CFAP97: variants seen among roughly 807,000 people sequenced by gnomAD.
CFAP97 encodes the protein cilia- and flagella-associated protein 97.
In CFAP97, 36 loss-of-function variants were observed where a neutral mutation model predicts 43.1. The observed-to-expected ratio is 0.84, with a 90% CI of 0.64 to 1.10. The LOEUF (loss-of-function observed/expected upper bound fraction) is 1.10, where lower values mean the gene tolerates loss of function less well. Among genes scored for constraint, CFAP97 ranks in the 50% least tolerant of loss-of-function variants. The pLI, the probability that CFAP97 is intolerant of heterozygous loss-of-function variation, is 0.00. For missense variants in CFAP97, 657 were observed against 620.3 expected, an observed-to-expected ratio of 1.06 and a Z score of -0.63; for synonymous variants, 228 against 225.7, an observed-to-expected ratio of 1.01 and a Z score of -0.09.
upstream of CFAP97, chr4:185,209,574 C>T (rs942421305): frequency 1.4e-5 from 4 of 278,044 alleles, no homozygotes; most frequent in Admixed American, 6.5e-5. This position sits in a 1 kb window ranked among gnomAD's most constrained non-coding sequence, Gnocchi z 5.2. Context: ...CCCCGCCCCG[C>T]CCGCGTCAGG....
intron 2 of CFAP97, among the ~76,000 whole-genome samples, chr4:185,189,000 C>T (rs1736118756): frequency 6.6e-6 from 1 of 152,112 alleles, no homozygotes; most frequent in South Asian, 2.1e-4. Flanking sequence ...CCCTTCGGGA[C>T]GCTGAGGTAG....
chr4:185,177,027 T>C (rs1448388009), intron 2 of CFAP97, among the ~76,000 whole-genome samples: 1 of 152,200 alleles, frequency 6.6e-6, no homozygotes, highest in Non-Finnish European at 1.5e-5. Flanking sequence ...CATATTATAA[T>C]TATCAATAAG....
chr4:185,205,996 C>A (rs1293599627), upstream of CFAP97, among the ~76,000 whole-genome samples: 1 of 151,938 alleles, frequency 6.6e-6, no homozygotes, highest in Non-Finnish European at 1.5e-5. Flanking sequence ...TGGCTTTAGT[C>A]AAAAAAATAG....
intron 2 of CFAP97, among the ~76,000 whole-genome samples, chr4:185,188,526 C>T (rs763231987): frequency 5.3e-5 from 8 of 152,004 alleles, no homozygotes; most frequent in Non-Finnish European, 7.4e-5. Flanking sequence ...GTATTATTTG[C>T]GGAGACGGGG....
chr4:185,177,409 T>C (rs1051601935), intron 2 of CFAP97, among the ~76,000 whole-genome samples: 7 of 113,890 alleles, frequency 6.1e-5, no homozygotes, highest in African/African-American at 2.4e-4. Flanking sequence ...TAAGACTCTG[T>C]CTCCAAAAAA....
At chr4:185,208,275 G>T (rs1174556206), upstream of CFAP97, among the ~76,000 whole-genome samples, 1 of 151,816 alleles carries the variant, frequency 6.6e-6, no homozygotes. Flanking sequence ...CTCAGCCTCC[G>T]AAAGTGTAGG....
At position 185,162,699 on chromosome 4, in the gene CFAP97, C is replaced by A; in HGVS notation, c.*99G>T. The A allele has an allele frequency of 7.6e-7, 1 of 1,318,254 alleles. No homozygotes were observed. Among genetic ancestry groups the A allele is most frequent in the Non-Finnish European group, 1.1e-6 (1 of 944,262 alleles). The allele number at this position is 1,318,254 out of a possible 1,614,324, so 81.7% of individuals were successfully genotyped here. On this transcript the variant is annotated 3_prime_UTR_variant, in exon 5 of 5. Coordinates refer to ENST00000458385, the MANE Select transcript of CFAP97 (RefSeq NM_020827.3). ...ACTCACTGTTGTACACCTTCAATTG[C>A]TAAAACGGTATTCTAGATGTTTACA...
intron 1 of CFAP97, among the ~76,000 whole-genome samples, chr4:185,199,243 G>C (rs1049549390): frequency 1.3e-5 from 2 of 152,158 alleles, no homozygotes; most frequent in Non-Finnish European, 2.9e-5. Context: ...GTAGTGGCAT[G>C]TACCTGTTAA....
chr4:185,175,088 C>T (rs530969814), intron 3 of CFAP97, among the ~76,000 whole-genome samples: 1 of 152,168 alleles, frequency 6.6e-6, no homozygotes, highest in South Asian at 2.1e-4. Flanking sequence ...TTTAGCTTTC[C>T]AGGACACAAT....
In CFAP97 at chr4:185,176,003, T is replaced by C. The variant is rs1185777806; in HGVS notation, c.1103A>G (p.Gln368Arg). 6.2e-6 allele frequency: 10 copies of C among 1,611,044 alleles called. No homozygotes were observed. Among genetic ancestry groups the C allele is most frequent in the African/African-American group, 1.3e-5 (1 of 74,624 alleles). Residue 368 changes from glutamine (Q) to arginine (R), a missense_variant, in exon 3 of 5, where the codon CAG becomes CGG. Physicochemically the swap from Gln to Arg is conservative, Grantham distance 43. Coordinates refer to ENST00000458385, the MANE Select transcript of CFAP97 (RefSeq NM_020827.3). The part of the protein sequence containing the change: ...KKGPQKHHFD[Q>R]PSVAPGKNYS... ...GTTTTTCCCGGGTGCTACTGAAGGC[T>C]GATCAAAGTGATGTTTTTGTGGTCC...
At position 185,162,753 on chromosome 4, in the gene CFAP97, C is replaced by T; in HGVS notation, c.*45G>A. ...AGAATTATAGGAATATGCACGAGCA[C>T]TTCAAGAAAAGTTGTGTGAACAATG... On this transcript the variant is annotated 3_prime_UTR_variant, in exon 5 of 5. Coordinates refer to ENST00000458385, the MANE Select transcript of CFAP97 (RefSeq NM_020827.3). The T allele has an allele frequency of 6.3e-7, 1 of 1,593,312 alleles. No individual in the cohort carries two copies. The highest frequency in any genetic ancestry group is 1.1e-5 in the South Asian group (1 of 88,384).
At chr4:185,187,504 A>G (rs182292020) in intron 2 of CFAP97, among the ~76,000 whole-genome samples, 1 of 151,822 alleles carries the variant, frequency 6.6e-6, no homozygotes, top group Non-Finnish European at 1.5e-5. Flanking sequence ...CCAAAGATAG[A>G]TGTCTAGAAA....
At chr4:185,181,896 T>C (rs1302028200) in intron 2 of CFAP97, among the ~76,000 whole-genome samples, 1 of 152,186 alleles carries the variant, frequency 6.6e-6, no homozygotes, top group Non-Finnish European at 1.5e-5. Flanking sequence ...TTATGGAGCA[T>C]AACAGGGTCT....
chr4:185,180,007 T>C (rs970090173), intron 2 of CFAP97, among the ~76,000 whole-genome samples: 5 of 152,194 alleles, frequency 3.3e-5, no homozygotes, highest in Admixed American at 2.0e-4. Context: ...TCTCTATCTC[T>C]TTTAGTGATG....
At chr4:185,204,695 T>A (rs1193986661), upstream of CFAP97, among the ~76,000 whole-genome samples, 1 of 152,146 alleles carries the variant, frequency 6.6e-6, no homozygotes, top group African/African-American at 2.4e-5. Flanking sequence ...GTGAACCCCA[T>A]GGAATCACAA....
rs374899113 is a variant in CFAP97 at position 185,164,131 on chromosome 4, G to A, written c.1369C>T (p.Arg457Cys). The A allele has an allele frequency of 2.4e-5, 38 of 1,613,708 alleles. No homozygotes were observed. The South Asian group carries it at 3.1e-4, about 13-fold the overall frequency. ...EAVKPTVGMKRSEQLMDYHRN... is the reference protein window; with the variant it reads ...EAVKPTVGMKCSEQLMDYHRN... ...TGATAGTCCATCAGTTGTTCTGAAC[G>A]TTTCATACCAACTGTTGGTTTCACG... Residue 457 changes from arginine to cysteine, a missense_variant, in exon 4 of 5, where the codon CGT (arginine) becomes TGT (cysteine). Arg to Cys is a radical substitution (Grantham distance 180). Coordinates refer to ENST00000458385, the MANE Select transcript of CFAP97 (RefSeq NM_020827.3).
chr4:185,202,936 A>T (rs1459519039), intron 1 of CFAP97, among the ~76,000 whole-genome samples: 1 of 152,262 alleles, frequency 6.6e-6, no homozygotes, highest in East Asian at 1.9e-4. Flanking sequence ...AGAATAAGAA[A>T]AATGACTTAA....
At chr4:185,173,990 T>TA (rs1421458029) in intron 3 of CFAP97, among the ~76,000 whole-genome samples, 3 of 151,014 alleles carry the variant, frequency 2.0e-5, no homozygotes, top group African/African-American at 4.9e-5. Context: ...TAAAGCTGGT[T>TA]AAAAAAAAAG....
intron 3 of CFAP97, among the ~76,000 whole-genome samples, chr4:185,171,261 A>G (rs562832725): frequency 2.6e-4 from 40 of 152,210 alleles, no homozygotes; most frequent in African/African-American, 9.6e-4. Flanking sequence ...GCTACTCGGG[A>G]GGCTGAGCTG....
Sources: allele counts gnomAD v4.1 joint callset (sites outside exome capture counted in the v4.1 genomes callset), GRCh38; gene constraint gnomAD v4.1.1; non-coding constraint Gnocchi (gnomAD v3.1); transcripts MANE v1.5; gene names NCBI Gene and HGNC (gene_info 2026-07-23, HGNC 2026-07-21).